Variants in PLEC observed in about 807,000 individuals in gnomAD.
PLEC encodes plectin.
Under a neutral mutation model 392.8 loss-of-function variants are expected in PLEC, and 216 were observed. That is an observed-to-expected ratio of 0.55 (90% CI 0.49 to 0.62). The LOEUF (loss-of-function observed/expected upper bound fraction) is 0.62, where lower values mean the gene tolerates loss of function less well. Ranked by LOEUF, PLEC falls within the 20% of genes least tolerant of loss-of-function variation. The pLI, the probability that PLEC is intolerant of heterozygous loss-of-function variation, is 0.00. For missense variants in PLEC, 6,863 were observed against 6,563.4 expected (o/e 1.05, Z -1.58); for synonymous variants, 3,621 against 2,980.6 (o/e 1.21, Z -7.00).
At chr8:143,941,221 C>T (rs975050123), upstream of PLEC, among the ~76,000 whole-genome samples, 60 of 152,228 alleles carry the variant, frequency 3.9e-4, no homozygotes, top group African/African-American at 1.4e-3. Context: ...CCTGCAGGAA[C>T]GGGGCTGCCA....
Position 143,930,228 on chromosome 8 carries a change from C to T in PLEC, c.2528G>A (p.Ser843Asn). 2 of 1,593,012 alleles carry T rather than the reference C, an allele frequency of 1.3e-6. No individual in the cohort carries two copies. Among genetic ancestry groups the T allele is most frequent in the East Asian group, 2.3e-5 (1 of 44,256 alleles). ...CACGGCGGCCTCGCTGCCGGAGCTG[C>T]TGAGCACCTTCCAGTGGGACGGCTG... ...PAQPSHWKVL[S>N]SSGSEAAVPS... Residue 843 changes from serine (S) to asparagine (N), a missense_variant, in exon 21 of 32, where the codon AGC becomes AAC. Ser to Asn is a conservative substitution (Grantham distance 46, BLOSUM62 1). Transcript: ENST00000345136.
Position 143,926,865 on chromosome 8 carries a change from C to T in PLEC, c.3963G>A (p.Thr1321=), listed in dbSNP as rs1405843505. 21 of 1,613,128 alleles carry T rather than the reference C, an allele frequency of 1.3e-5. No individual in the cohort carries two copies. Among genetic ancestry groups the T allele is most frequent in the East Asian group, 1.1e-4 (5 of 44,896 alleles). ...TCAGTGTGGTCAGCTCGCTGTAGTGCGTACGCAGGTCCACGTACTGTGGAG... is the reference window on the plus strand; with the variant it reads ...TCAGTGTGGTCAGCTCGCTGTAGTGTGTACGCAGGTCCACGTACTGTGGAG... ...SVIQEYVDLR[T]HYSELTTLTS... The change falls in exon 30 of 32, where the codon ACG becomes ACA. Residue 1321 remains threonine (T), a synonymous_variant. Transcript: ENST00000345136.
chr8:143,921,147 C>T lies in PLEC; in HGVS notation c.8674G>A (p.Gly2892Arg), dbSNP rs782213464. ...LPLTDKAAKG[G>R]ELVYTDSEAR... ...TCGGAGTCAGTGTAGACCAGCTCCC[C>T]GCCCTTGGCAGCCTTATCCGTGAGT... Residue 2892 changes from glycine (G) to arginine (R), a missense_variant, in exon 32 of 32, where the codon GGG becomes AGG. Transcript: ENST00000345136. 34 of 1,613,496 alleles carry T rather than the reference C, an allele frequency of 2.1e-5. No individual in the cohort carries two copies. Among genetic ancestry groups the T allele is most frequent in the South Asian group, 1.1e-4 (10 of 91,078 alleles).
At chr8:143,970,634 C>T (rs1340699392) in intron 1 of PLEC, among the ~76,000 whole-genome samples, 1 of 152,150 alleles carries the variant, frequency 6.6e-6, no homozygotes, top group Non-Finnish European at 1.5e-5. Context: ...GCTGTCAATT[C>T]CAGGATATTT....
Position 143,915,924 on chromosome 8 carries a change from CTGTG to C in PLEC, c.*249_*252del, listed in dbSNP as rs1420767083. The C allele has an allele frequency of 1.0e-4, 37 of 353,576 alleles. No homozygotes were observed. Among genetic ancestry groups the C allele is most frequent in the Admixed American group, 9.3e-5 (2 of 21,604 alleles). 21.9% of individuals were successfully genotyped at this position (353,576 alleles called of 1,614,324 possible). A position where few individuals can be genotyped will look rare whatever the true frequency, so the allele number is the denominator to read the frequency against. On this transcript the variant is annotated 3_prime_UTR_variant, in exon 32 of 32. Transcript: ENST00000345136. The stretch of plus-strand genomic sequence containing the variant: ...GCTTGGGACCCTCCAAGGCACCTGG[CTGTG>C]TGAGTGGCAGGTAGAAGGGAGTGAG...
intron 25 of PLEC, 125 bp from the exon 26 acceptor site, chr8:143,928,117 C>T: frequency 8.5e-7 from 1 of 1,181,278 alleles, no homozygotes; most frequent in Non-Finnish European, 1.2e-6. Context: ...TGGGGGTCAG[C>T]TGACCCTGTG....
chr8:143,926,733 A>T, intron 30 of PLEC, 51 bp downstream of exon 30: 1 of 1,448,430 alleles, frequency 6.9e-7, no homozygotes, highest in Non-Finnish European at 9.7e-7. Flanking sequence ...GTGGGACACA[A>T]CAGGTGGTGA....
At position 143,934,933 on chromosome 8, in the gene PLEC, C is replaced by T. The variant is rs141877944; in HGVS notation, c.826-4G>A. Reference sequence around the variant, plus strand: ...CCTGCCAGCGCAGCTGCAGCTCCTGCGGGCAGGCACGGGCGGCTGTCAGGG... The same window carrying T: ...CCTGCCAGCGCAGCTGCAGCTCCTGTGGGCAGGCACGGGCGGCTGTCAGGG... On this transcript the variant is annotated splice_polypyrimidine_tract_variant and splice_region_variant and intron_variant, in intron 8 of 31. Coordinates refer to ENST00000345136, the MANE Select transcript of PLEC (RefSeq NM_201384.3). The T allele has an allele frequency of 2.6e-5, 42 of 1,610,646 alleles. No homozygotes were observed. The East Asian group carries it at 7.8e-4, about 30-fold the overall frequency.
rs931931221 is a variant in PLEC at position 143,922,391 on chromosome 8, T to G, written c.7430A>C (p.Gln2477Pro). 12 of 1,601,866 alleles carry G rather than the reference T, an allele frequency of 7.5e-6. No homozygotes were observed. The highest frequency in any genetic ancestry group is 1.0e-5 in the Non-Finnish European group (12 of 1,179,946). The change falls in exon 32 of 32, where the codon CAG becomes CCG. Residue 2477 changes from glutamine (Q) to proline (P), a missense_variant. Physicochemically the swap from Gln to Pro is moderately conservative, Grantham distance 76. Transcript: ENST00000345136. Reference protein sequence around the residue: ...KLLQLKSEEMQTVQQEQLLQE... With the variant: ...KLLQLKSEEMPTVQQEQLLQE... ...CAGCAGCTGCTCCTGCTGCACCGTC[T>G]GCATCTGCAGAAGAAGAGGGTGTGA...
chr8:143,940,782 G>A (rs1307429572), upstream of PLEC, among the ~76,000 whole-genome samples: 2 of 152,134 alleles, frequency 1.3e-5, no homozygotes, highest in African/African-American at 4.8e-5. Context: ...ACAATGGGGG[G>A]TGCCCAAACC....
At chr8:143,933,916 C>T (rs759695873) in intron 12 of PLEC, 82 bp downstream of exon 12, 266 of 1,256,952 alleles carry the variant, frequency 2.1e-4, no homozygotes, top group Admixed American at 4.9e-4. Flanking sequence ...GGGGGACAGC[C>T]CCCTCCTGGC....
rs886044785 is a variant in PLEC, at chr8:143,924,986, G to A, written c.4943C>T (p.Ala1648Val). 12 of 1,577,266 alleles carry A rather than the reference G, an allele frequency of 7.6e-6. No individual in the cohort carries two copies. The highest frequency in any genetic ancestry group is 5.2e-5 in the Admixed American group (3 of 57,692). The change falls in exon 31 of 32, where the codon GCG (alanine) becomes GTG (valine). Residue 1648 changes from alanine (A) to valine (V), a missense_variant. Coordinates refer to ENST00000345136, the MANE Select transcript of PLEC (RefSeq NM_201384.3). The stretch of plus-strand genomic sequence containing the variant: ...GCTCTTCTGCTGCGCCACCTCCTCC[G>A]CCTGCAGCCGCAGCCGTAGCGCCTC... ...ANEALRLRLQ[A>V]EEVAQQKSLA...
Position 143,922,037 on chromosome 8 carries a change from C to T in PLEC, c.7784G>A (p.Arg2595His), listed in dbSNP as rs782343962. Residue 2595 changes from arginine to histidine, a missense_variant, in exon 32 of 32, where the codon CGT becomes CAT. Coordinates refer to ENST00000345136, the MANE Select transcript of PLEC (RefSeq NM_201384.3). ...ELLAEENQRL[R>H]EQLQLLEEQH... ...CTCCTCCAGGAGCTGCAGCTGCTCA[C>T]GCAGCCTCTGGTTCTCCTCAGCCAG... 12 of 1,595,646 alleles carry T rather than the reference C, an allele frequency of 7.5e-6. No individual in the cohort carries two copies. The highest frequency in any genetic ancestry group is 4.0e-5 in the African/African-American group (3 of 74,880).
upstream of PLEC, among the ~76,000 whole-genome samples, chr8:143,940,195 C>G (rs1830181862): frequency 6.6e-6 from 1 of 152,222 alleles, no homozygotes; most frequent in African/African-American, 2.4e-5. Flanking sequence ...CAGGCCTGGC[C>G]CCTCCCAAGC....
chr8:143,920,168 C>G lies in PLEC; in HGVS notation c.9653G>C (p.Arg3218Pro), dbSNP rs1554680868. 6.2e-7 allele frequency: 1 copy of G among 1,612,374 alleles called. No individual in the cohort carries two copies. The highest frequency in any genetic ancestry group is 8.5e-7 in the Non-Finnish European group (1 of 1,179,952). ...SLLPLSEKAA[R>P]ARQEELYSEL... ...TGAGTAGAGCTCCTCCTGCCGGGCC[C>G]GAGCAGCCTTTTCTGAGAGCGGCAG... The change falls in exon 32 of 32, where the codon CGG becomes CCG. Residue 3218 changes from arginine to proline, a missense_variant. Coordinates refer to ENST00000345136, the MANE Select transcript of PLEC (RefSeq NM_201384.3).
upstream of PLEC, among the ~76,000 whole-genome samples, chr8:143,940,124 C>T (rs1371109707): frequency 2.0e-5 from 3 of 152,220 alleles, no homozygotes; most frequent in Non-Finnish European, 4.4e-5. Context: ...CTGCATGAAG[C>T]GGGGAGCACA....
In PLEC at chr8:143,924,498, C is replaced by T; in HGVS notation, c.5431G>A (p.Glu1811Lys). 4 of 1,545,472 alleles carry T rather than the reference C, an allele frequency of 2.6e-6. No individual in the cohort carries two copies. Among genetic ancestry groups the T allele is most frequent in the Non-Finnish European group, 3.5e-6 (4 of 1,152,864 alleles). Residue 1811 changes from glutamate to lysine, a missense_variant, in exon 31 of 32, where the codon GAA (glutamate) becomes AAA (lysine). Transcript: ENST00000345136. The part of the protein sequence containing the change: ...EEAARLRALA[E>K]EAKRQRQLAE... ...AGCTGCCGCTGCCGCTTGGCCTCTTCCGCCAGGGCACGCAGGCGGGCGGCC... is the reference window on the plus strand; with the variant it reads ...AGCTGCCGCTGCCGCTTGGCCTCTTTCGCCAGGGCACGCAGGCGGGCGGCC...
In PLEC at chr8:143,924,255, C is replaced by T. The variant is rs201075382; in HGVS notation, c.5674G>A (p.Glu1892Lys). ...EQAAQHKADIEERLAQLRKAS... is the reference protein window; with the variant it reads ...EQAAQHKADIKERLAQLRKAS... The stretch of plus-strand genomic sequence containing the variant: ...TTGCGCAGCTGGGCCAGGCGCTCCT[C>T]GATGTCAGCCTTGTGTTGCGCGGCC... Residue 1892 changes from glutamate (E) to lysine (K), a missense_variant, in exon 31 of 32, where the codon GAG becomes AAG. Physicochemically the swap from Glu to Lys is moderately conservative, Grantham distance 56. Transcript: ENST00000345136. 1.4e-4 allele frequency: 221 copies of T among 1,598,090 alleles called. No individual in the cohort carries two copies. The East Asian group carries it at 4.0e-3, about 29-fold the overall frequency.
chr8:143,952,305 T>C (rs2132757258), upstream of PLEC, among the ~76,000 whole-genome samples: 1 of 152,338 alleles, frequency 6.6e-6, no homozygotes, highest in Admixed American at 6.5e-5. Flanking sequence ...CACAGCCCTC[T>C]GGCAGGGCCA....
Sources: allele counts gnomAD v4.1 joint callset (sites outside exome capture counted in the v4.1 genomes callset), GRCh38; gene constraint gnomAD v4.1.1; transcripts MANE v1.5; gene names NCBI Gene and HGNC (gene_info 2026-07-23, HGNC 2026-07-21).